Variants in BMPR1B observed in about 807,000 individuals in gnomAD.
The protein encoded by BMPR1B is bone morphogenetic protein receptor type 1B, also known as bone morphogenetic protein receptor type-1B.
Under a neutral mutation model 59.1 loss-of-function variants are expected in BMPR1B, and 12 were observed. The ratio of observed to expected loss-of-function variants is 0.20; its 90% CI spans 0.13 to 0.33. BMPR1B has a LOEUF of 0.33. Among genes scored for constraint, BMPR1B ranks in the 10% least tolerant of loss-of-function variants. BMPR1B has a pLI of 1.00. For missense variants in BMPR1B, 550 were observed against 610.9 expected (o/e 0.90, Z 1.05); for synonymous variants, 237 against 207.3 (o/e 1.14, Z -1.23).
intron 3 of BMPR1B, among the ~76,000 whole-genome samples, chr4:95,094,361 G>T (rs757007121): frequency 4.0e-5 from 6 of 151,704 alleles, no homozygotes; most frequent in Non-Finnish European, 8.8e-5. Flanking sequence ...AAAAGTAAAA[G>T]GCAGTAAAAT....
intron 3 of BMPR1B, among the ~76,000 whole-genome samples, chr4:95,096,183 G>T (rs1730362615): frequency 6.6e-6 from 1 of 151,414 alleles, no homozygotes; most frequent in Non-Finnish European, 1.5e-5. Flanking sequence ...GAGGCTTCCA[G>T]CTCATTATTG....
intron 1 of BMPR1B, among the ~76,000 whole-genome samples, chr4:94,803,769 A>G (rs1450303582): frequency 2.0e-5 from 3 of 152,190 alleles, no homozygotes; most frequent in African/African-American, 7.2e-5. Flanking sequence ...GTCTTTGCAT[A>G]TGCATTTCTT....
chr4:94,877,055 A>G (rs1726758774), intron 2 of BMPR1B, among the ~76,000 whole-genome samples: 1 of 152,184 alleles, frequency 6.6e-6, no homozygotes, highest in African/African-American at 2.4e-5. Context: ...TACAATATAT[A>G]TGTTTTTCCC....
intron 1 of BMPR1B, among the ~76,000 whole-genome samples, chr4:94,785,125 A>G (rs570587755): frequency 6.6e-4 from 100 of 152,306 alleles, no homozygotes; most frequent in African/African-American, 2.2e-3. Context: ...CTTGTAGCTT[A>G]CCGCGATTTC....
intron 10 of BMPR1B, among the ~76,000 whole-genome samples, chr4:95,133,441 T>C (rs951336050): frequency 6.6e-6 from 1 of 152,200 alleles, no homozygotes; most frequent in African/African-American, 2.4e-5. Context: ...CAAGATTTAT[T>C]CTGAAGACTT....
At chr4:94,780,870 A>G (rs1290926348) in intron 1 of BMPR1B, among the ~76,000 whole-genome samples, 1 of 151,626 alleles carries the variant, frequency 6.6e-6, no homozygotes, top group African/African-American at 2.4e-5. Flanking sequence ...TTGTATTTTT[A>G]GTAGAGATGG....
intron 1 of BMPR1B, among the ~76,000 whole-genome samples, chr4:94,875,216 T>C (rs758867257): frequency 5.3e-5 from 8 of 152,292 alleles, no homozygotes; most frequent in South Asian, 2.1e-4. Context: ...TGAGGTGCTA[T>C]AGTAAAAAGT....
intron 1 of BMPR1B, among the ~76,000 whole-genome samples, chr4:94,759,308 G>T (rs1721666218): frequency 6.6e-6 from 1 of 152,204 alleles, no homozygotes; most frequent in Non-Finnish European, 1.5e-5. Flanking sequence ...TAAAGAAAAT[G>T]TGTTAATACC....
chr4:94,820,522 C>G (rs1196801924), intron 1 of BMPR1B, among the ~76,000 whole-genome samples: 2 of 152,106 alleles, frequency 1.3e-5, no homozygotes, highest in Non-Finnish European at 2.9e-5. Context: ...GTATTTTAAA[C>G]TACATAATAC....
chr4:94,841,700 T>A (rs1041188017), intron 1 of BMPR1B, among the ~76,000 whole-genome samples: 1 of 152,150 alleles, frequency 6.6e-6, no homozygotes, highest in Non-Finnish European at 1.5e-5. Flanking sequence ...CAGATGGAAA[T>A]GCAGAAATCA....
chr4:94,953,938 G>A (rs1189076105), intron 2 of BMPR1B, among the ~76,000 whole-genome samples: 2 of 151,938 alleles, frequency 1.3e-5, no homozygotes, highest in East Asian at 3.9e-4. Context: ...CATATTTCTT[G>A]GAGGTTGGAG....
chr4:95,145,052 C>CA (rs1734544349), intron 10 of BMPR1B, among the ~76,000 whole-genome samples: 1 of 152,042 alleles, frequency 6.6e-6, no homozygotes, highest in Non-Finnish European at 1.5e-5. Context: ...TAAACATACA[C>CA]AAAAGTATAA....
chr4:95,145,868 A>G (rs1734604193), intron 10 of BMPR1B, among the ~76,000 whole-genome samples: 1 of 152,202 alleles, frequency 6.6e-6, no homozygotes, highest in Admixed American at 6.5e-5. Context: ...ACAAAATTCT[A>G]TTTATCCTTC....
At chr4:94,900,628 A>G (rs1727774994) in intron 2 of BMPR1B, among the ~76,000 whole-genome samples, 1 of 152,006 alleles carries the variant, frequency 6.6e-6, no homozygotes, top group African/African-American at 2.4e-5. Flanking sequence ...GTACAGATAT[A>G]TATGTTATTT....
Position 95,008,532 on chromosome 4 carries a change from A to T in BMPR1B, c.-18+12398A>T, listed in dbSNP as rs549463268. ...CCGTAAGCAGAAGCAAATTCTGTAT[A>T]GATGAAGGACTTAACTATGACAGCC... is the stretch of plus-strand genomic sequence containing the variant. On this transcript the variant is annotated intron_variant, in intron 3 of 12. Coordinates refer to ENST00000515059, the MANE Select transcript of BMPR1B (RefSeq NM_001203.3). Among the ~76,000 whole-genome samples, 408 of 152,296 alleles carry T rather than the reference A, an allele frequency of 2.7e-3. 4 individuals carry two copies. Among genetic ancestry groups the T allele is most frequent in the Non-Finnish European group, 4.1e-3 (281 of 68,028 alleles).
intron 8 of BMPR1B, 88 bp downstream of exon 8, chr4:95,125,209 C>T: frequency 2.0e-6 from 3 of 1,528,868 alleles, no homozygotes; most frequent in Non-Finnish European, 2.7e-6. Flanking sequence ...TGAAATAGGG[C>T]ACTGGACAAG....
chr4:94,786,609 G>T (rs1377699623), intron 1 of BMPR1B, among the ~76,000 whole-genome samples: 1 of 152,160 alleles, frequency 6.6e-6, no homozygotes, highest in African/African-American at 2.4e-5. Flanking sequence ...TGCGATCTCA[G>T]CTCACTGCAA....
At chr4:95,077,467 T>C (rs528090516) in intron 3 of BMPR1B, among the ~76,000 whole-genome samples, 76 of 152,250 alleles carry the variant, frequency 5.0e-4, no homozygotes, top group African/African-American at 1.7e-3. Flanking sequence ...CTTCATTCAT[T>C]GATGGATTAT....
At chr4:94,827,378 A>G (rs1724421307) in intron 1 of BMPR1B, among the ~76,000 whole-genome samples, 2 of 152,134 alleles carry the variant, frequency 1.3e-5, no homozygotes, top group African/African-American at 4.8e-5. Flanking sequence ...TTTCTCAAAT[A>G]TGTTTCTCAA....
Sources: gnomAD v4.1 joint callset for allele counts (sites outside exome capture counted in the v4.1 genomes callset) on GRCh38, gnomAD v4.1.1 for gene constraint, MANE v1.5 for transcripts, NCBI Gene and HGNC (gene_info 2026-07-23, HGNC 2026-07-21) for gene names.